SYT1: variants seen among roughly 807,000 people sequenced by gnomAD.
SYT1 encodes the protein synaptotagmin-1.
Under a neutral mutation model 44.8 loss-of-function variants are expected in SYT1, and 8 were observed. The observed-to-expected ratio is 0.18, with a 90% CI of 0.10 to 0.32. The LOEUF (loss-of-function observed/expected upper bound fraction) is 0.32, where lower values mean the gene tolerates loss of function less well. Among genes scored for constraint, SYT1 ranks in the 10% least tolerant of loss-of-function variants. SYT1 has a pLI of 1.00. For synonymous variants in SYT1, 154 were observed against 188.8 expected, an observed-to-expected ratio of 0.82 and a Z score of 1.51; for missense variants, 286 against 509.3, an observed-to-expected ratio of 0.56 and a Z score of 4.22.
At chr12:78,868,211 G>A (rs143033642) in intron 1 of SYT1, among the ~76,000 whole-genome samples, 335 of 151,852 alleles carry the variant, frequency 2.2e-3, no homozygotes, top group African/African-American at 7.7e-3. Flanking sequence ...TAATAATTAA[G>A]TAATTTGGGG....
chr12:79,144,968 T>G (rs902256377), intron 3 of SYT1, among the ~76,000 whole-genome samples: 19 of 152,174 alleles, frequency 1.2e-4, no homozygotes, highest in African/African-American at 4.3e-4. Flanking sequence ...ACAATTTGTT[T>G]TTTTCCTACA....
At chr12:79,250,602 A>G (rs1877142306) in intron 4 of SYT1, among the ~76,000 whole-genome samples, 1 of 152,222 alleles carries the variant, frequency 6.6e-6, no homozygotes, top group Admixed American at 6.5e-5. Flanking sequence ...GAAGTCAGTG[A>G]TTTTAGGATG....
At chr12:79,077,378 T>C (rs1391772139) in intron 3 of SYT1, among the ~76,000 whole-genome samples, 1 of 152,168 alleles carries the variant, frequency 6.6e-6, no homozygotes, top group Non-Finnish European at 1.5e-5. Context: ...AGATCTACCA[T>C]TTGACACTGG....
intron 3 of SYT1, among the ~76,000 whole-genome samples, chr12:79,148,399 C>T (rs1002608528): frequency 6.6e-6 from 1 of 151,992 alleles, no homozygotes; most frequent in Non-Finnish European, 1.5e-5. Flanking sequence ...AAAACTAATT[C>T]CAATGTTAAA....
Position 79,409,405 on chromosome 12 carries a change from G to C in SYT1, c.929-34668G>C, listed in dbSNP as rs188909782. Among the ~76,000 whole-genome samples, 62 of 152,106 alleles carry C rather than the reference G, an allele frequency of 4.1e-4. No individual in the cohort carries two copies. The South Asian group carries it at 0.013, about 31-fold the overall frequency. ...TTTAAAGTATTGCAGTATCAGTTTG[G>C]TATTATGGTAGAGGATTTATAAGCC... On this transcript the variant is annotated intron_variant, in intron 9 of 10. Coordinates refer to ENST00000261205, the MANE Select transcript of SYT1 (RefSeq NM_005639.3).
In SYT1 at chr12:79,227,499, C is replaced by A. The variant is rs547192650; in HGVS notation, c.166+9814C>A. The stretch of plus-strand genomic sequence containing the variant: ...TAAGCACAGTAGAAAGTCAAATAGC[C>A]AGAACTTGACTCTTAGTCCAGAATA... On this transcript the variant is annotated intron_variant, in intron 4 of 10. Coordinates refer to ENST00000261205, the MANE Select transcript of SYT1 (RefSeq NM_005639.3). Among the ~76,000 whole-genome samples the A allele has an allele frequency of 7.2e-5, 11 of 152,112 alleles. No homozygotes were observed. The South Asian group carries it at 2.1e-3, about 29-fold the overall frequency.
At chr12:79,235,778 T>G (rs749472106) in intron 4 of SYT1, among the ~76,000 whole-genome samples, 1 of 151,974 alleles carries the variant, frequency 6.6e-6, no homozygotes, top group Non-Finnish European at 1.5e-5. Context: ...GCTAAGTTCA[T>G]GTAAACATGT....
chr12:79,089,019 A>C (rs953548183), intron 3 of SYT1, among the ~76,000 whole-genome samples: 1 of 152,078 alleles, frequency 6.6e-6, no homozygotes, highest in African/African-American at 2.4e-5. Flanking sequence ...ATAATAAATC[A>C]GTGAATATAA....
At chr12:78,902,350 G>A (rs1409358288) in intron 1 of SYT1, among the ~76,000 whole-genome samples, 2 of 151,968 alleles carry the variant, frequency 1.3e-5, no homozygotes, top group African/African-American at 4.8e-5. Context: ...CCAATTGAAA[G>A]CAAGCTCAAC....
chr12:78,910,751 G>C (rs886947371), intron 1 of SYT1, among the ~76,000 whole-genome samples: 6 of 151,974 alleles, frequency 3.9e-5, no homozygotes, highest in Non-Finnish European at 8.8e-5. Context: ...TGTTCTGAGA[G>C]CTCATAGTAA....
At chr12:79,199,733 A>G (rs560953320) in intron 3 of SYT1, among the ~76,000 whole-genome samples, 34 of 152,182 alleles carry the variant, frequency 2.2e-4, no homozygotes, top group Non-Finnish European at 4.0e-4. Context: ...ATCAATATAA[A>G]TACGTATCAT....
At chr12:78,941,218 G>A (rs1458525022) in intron 1 of SYT1, among the ~76,000 whole-genome samples, 2 of 151,296 alleles carry the variant, frequency 1.3e-5, no homozygotes, top group South Asian at 4.2e-4. Context: ...GATTACAGGC[G>A]CCTGCCACCA....
intron 10 of SYT1, among the ~76,000 whole-genome samples, chr12:79,445,990 C>CATATATATATATAT (rs59721146): frequency 1.8e-4 from 8 of 44,150 alleles, no homozygotes; most frequent in Admixed American, 3.4e-4. Context: ...AATCCAAAGA[C>CATATATATATATAT]ATATATATAT....
intron 4 of SYT1, among the ~76,000 whole-genome samples, chr12:79,252,697 G>A (rs1301908166): frequency 6.6e-6 from 1 of 152,128 alleles, no homozygotes; most frequent in African/African-American, 2.4e-5. Flanking sequence ...ATCCACCGTA[G>A]ACCTGTAGCA....
intron 3 of SYT1, among the ~76,000 whole-genome samples, chr12:79,152,436 T>C (rs1443121121): frequency 6.6e-6 from 1 of 152,116 alleles, no homozygotes; most frequent in Non-Finnish European, 1.5e-5. Flanking sequence ...GCACTTTGTA[T>C]AGGGCAGTTA....
chr12:79,077,759 G>T (rs1477115837), intron 3 of SYT1, among the ~76,000 whole-genome samples: 1 of 152,090 alleles, frequency 6.6e-6, no homozygotes, highest in African/African-American at 2.4e-5. Flanking sequence ...AGGGAACTAT[G>T]AAAAGCTGAT....
intron 3 of SYT1, among the ~76,000 whole-genome samples, chr12:79,160,374 A>G (rs189638416): frequency 3.9e-5 from 6 of 152,258 alleles, no homozygotes; most frequent in Non-Finnish European, 8.8e-5. Flanking sequence ...GGATGCATCT[A>G]AGTGATGTGG....
At chr12:78,895,365 T>C (rs1875301667) in intron 1 of SYT1, among the ~76,000 whole-genome samples, 1 of 151,726 alleles carries the variant, frequency 6.6e-6, no homozygotes, top group Admixed American at 6.6e-5. Context: ...AAATGCATAA[T>C]GTAAAATAAT....
chr12:79,193,766 A>G (rs1873272576), intron 3 of SYT1, among the ~76,000 whole-genome samples: 1 of 152,162 alleles, frequency 6.6e-6, no homozygotes, highest in South Asian at 2.1e-4. Context: ...CTTTTGTTCA[A>G]TACATGAAAA....
Sources: allele counts gnomAD v4.1 joint callset (sites outside exome capture counted in the v4.1 genomes callset), GRCh38; gene constraint gnomAD v4.1.1; transcripts MANE v1.5; gene names NCBI Gene and HGNC (gene_info 2026-07-23, HGNC 2026-07-21).